Variants in DLC1 observed in about 807,000 individuals in gnomAD.
DLC1 encodes DLC1 Rho GTPase activating protein.
In DLC1, 54 loss-of-function variants were observed where a neutral mutation model predicts 140.3. That is an observed-to-expected ratio of 0.38 (90% CI 0.31 to 0.48). DLC1 has a LOEUF of 0.48. DLC1 is among the 20% of genes least tolerant of loss of function. The probability of loss-of-function intolerance (pLI) is 0.96; values close to 1 mark genes in which losing one functional copy is unlikely to be tolerated. For synonymous variants in DLC1, 986 were observed against 728.1 expected (o/e 1.35, Z -5.70); for missense variants, 2,536 against 1,907.0 (o/e 1.33, Z -6.14).
At chr8:13,174,753 G>T (rs1484266079) in intron 5 of DLC1, among the ~76,000 whole-genome samples, 2 of 152,104 alleles carry the variant, frequency 1.3e-5, no homozygotes, top group Non-Finnish European at 2.9e-5. Flanking sequence ...TATAGATTCT[G>T]CATATTAGAA....
chr8:13,347,366 G>C (rs956137331), intron 4 of DLC1, among the ~76,000 whole-genome samples: 4 of 152,314 alleles, frequency 2.6e-5, no homozygotes, highest in African/African-American at 7.2e-5. Context: ...CTGACACAGA[G>C]AGCCCTAAAC....
At chr8:13,327,279 G>T (rs1056116823) in intron 4 of DLC1, among the ~76,000 whole-genome samples, 2 of 151,906 alleles carry the variant, frequency 1.3e-5, no homozygotes, top group African/African-American at 4.8e-5. Flanking sequence ...GGCCCCACTT[G>T]CAGTTTTAGG....
chr8:13,492,208 G>A (rs1422391366), intron 2 of DLC1, among the ~76,000 whole-genome samples: 1 of 150,240 alleles, frequency 6.7e-6, no homozygotes, highest in Non-Finnish European at 1.5e-5. Context: ...CTAGCCTGTT[G>A]GAGATACAGC....
chr8:13,402,236 A>G (rs1837331282), intron 2 of DLC1, among the ~76,000 whole-genome samples: 1 of 152,244 alleles, frequency 6.6e-6, no homozygotes, highest in South Asian at 2.1e-4. Flanking sequence ...GTATTTTTGT[A>G]AATGAGTATG....
chr8:13,568,111 A>C, intron 1 of DLC1: 1 of 792,152 alleles, frequency 1.3e-6, no homozygotes, highest in Non-Finnish European at 1.9e-6. Flanking sequence ...TGTAGTTGGA[A>C]TAGTTATAAA....
chr8:13,543,943 A>G (rs1331480066), intron 1 of DLC1, among the ~76,000 whole-genome samples: 1 of 152,052 alleles, frequency 6.6e-6, no homozygotes, highest in Non-Finnish European at 1.5e-5. Context: ...CTTCACCATT[A>G]CACAGTTCAT....
chr8:13,227,044 G>T (rs1828824844), intron 5 of DLC1, among the ~76,000 whole-genome samples: 1 of 152,108 alleles, frequency 6.6e-6, no homozygotes, highest in South Asian at 2.1e-4. Flanking sequence ...TATGGTATAG[G>T]GGGCGGGGGC....
At chr8:13,599,327 C>A (rs1252127870) in intron 1 of DLC1, among the ~76,000 whole-genome samples, 4 of 151,866 alleles carry the variant, frequency 2.6e-5, no homozygotes, top group African/African-American at 4.8e-5. Flanking sequence ...TGCCATAGAA[C>A]AATAATAAAT....
chr8:13,551,220 G>T (rs1354228908), intron 1 of DLC1, among the ~76,000 whole-genome samples: 4 of 151,852 alleles, frequency 2.6e-5, no homozygotes, highest in Non-Finnish European at 4.4e-5. Flanking sequence ...AAAGTCAGTT[G>T]TAGTCGGCCA....
intron 4 of DLC1, among the ~76,000 whole-genome samples, chr8:13,333,249 A>G (rs1173373994): frequency 1.3e-5 from 2 of 152,136 alleles, no homozygotes; most frequent in South Asian, 2.1e-4. Context: ...TCTTAGAGAC[A>G]GGGTCTTCCT....
chr8:13,554,344 G>A (rs113797931), intron 1 of DLC1, among the ~76,000 whole-genome samples: 2 of 152,138 alleles, frequency 1.3e-5, no homozygotes, highest in South Asian at 2.1e-4. Flanking sequence ...GGGATTACGC[G>A]CGTGAGCCAC....
intron 4 of DLC1, among the ~76,000 whole-genome samples, chr8:13,387,236 C>G (rs111773254): frequency 1.4e-3 from 206 of 151,958 alleles, no homozygotes; most frequent in African/African-American, 4.7e-3. Flanking sequence ...ATTCTTTCCC[C>G]AAGACTTCAG....
chr8:13,483,468 A>T (rs1349285496), intron 2 of DLC1, among the ~76,000 whole-genome samples: 1 of 152,164 alleles, frequency 6.6e-6, no homozygotes, highest in Non-Finnish European at 1.5e-5. Context: ...AGACACCTAG[A>T]AGGTGGCCCC....
intron 5 of DLC1, among the ~76,000 whole-genome samples, chr8:13,237,418 G>A (rs1829338966): frequency 6.6e-6 from 1 of 151,412 alleles, no homozygotes; most frequent in South Asian, 2.1e-4. Context: ...AGTTAAATGA[G>A]TTCATATATA....
intron 5 of DLC1, among the ~76,000 whole-genome samples, chr8:13,158,926 AG>A (rs1409771816): frequency 2.0e-5 from 3 of 152,122 alleles, no homozygotes; most frequent in Non-Finnish European, 2.9e-5. Flanking sequence ...GTTGCAGCCC[AG>A]GGATGAGTGC....
chr8:13,398,577 G>A (rs1053330699), intron 3 of DLC1, among the ~76,000 whole-genome samples: 1 of 142,704 alleles, frequency 7.0e-6, no homozygotes, highest in African/African-American at 2.6e-5. Flanking sequence ...ACATAGAGCT[G>A]GGCAACATAG....
At chr8:13,330,711 C>G (rs952752984) in intron 4 of DLC1, among the ~76,000 whole-genome samples, 1 of 152,124 alleles carries the variant, frequency 6.6e-6, no homozygotes, top group South Asian at 2.1e-4. Flanking sequence ...GATGAGGTGA[C>G]CAGGGGTTAG....
chr8:13,256,008 G>A (rs2117305828), intron 5 of DLC1, among the ~76,000 whole-genome samples: 1 of 152,232 alleles, frequency 6.6e-6, no homozygotes, highest in East Asian at 1.9e-4. Context: ...AGAAAATTTA[G>A]AGATAACATA....
chr8:13,346,617 A>C (rs1011947732), intron 4 of DLC1, among the ~76,000 whole-genome samples: 15 of 152,224 alleles, frequency 9.9e-5, no homozygotes, highest in Non-Finnish European at 7.3e-5. Flanking sequence ...TGGCAAAGCA[A>C]GCATAGTTCC....
Sources: gnomAD v4.1 joint callset for allele counts (sites outside exome capture counted in the v4.1 genomes callset) on GRCh38, gnomAD v4.1.1 for gene constraint, MANE v1.5 for transcripts, NCBI Gene and HGNC (gene_info 2026-07-23, HGNC 2026-07-21) for gene names.